Variants in MAGI2 observed in about 807,000 individuals in gnomAD.
The protein encoded by MAGI2 is membrane associated guanylate kinase, WW and PDZ domain containing 2, also known as membrane-associated guanylate kinase, WW and PDZ domain-containing protein 2.
A neutral mutation model predicts 133.3 loss-of-function variants in MAGI2; 35 were observed. That is an observed-to-expected ratio of 0.26 (90% CI 0.20 to 0.35). MAGI2 has a LOEUF of 0.35. Among genes scored for constraint, MAGI2 ranks in the 10% least tolerant of loss-of-function variants. MAGI2 has a pLI of 1.00. For synonymous variants in MAGI2, 729 were observed against 710.6 expected (o/e 1.03, Z -0.41); for missense variants, 1,636 against 1,863.4 (o/e 0.88, Z 2.25).
intron 2 of MAGI2, among the ~76,000 whole-genome samples, chr7:78,769,668 A>G (rs2151317136): frequency 6.6e-6 from 1 of 152,300 alleles, no homozygotes; most frequent in East Asian, 1.9e-4. Flanking sequence ...GCCATTTTTC[A>G]CTAGGTTCAC....
intron 6 of MAGI2, among the ~76,000 whole-genome samples, chr7:78,418,862 T>C (rs1355667688): frequency 3.3e-5 from 5 of 152,142 alleles, no homozygotes; most frequent in African/African-American, 1.2e-4. Context: ...GTAGTAGTAA[T>C]AGTGAATATA....
chr7:78,839,037 G>A (rs1441310913), intron 2 of MAGI2, among the ~76,000 whole-genome samples: 2 of 152,008 alleles, frequency 1.3e-5, no homozygotes, highest in Non-Finnish European at 2.9e-5. Context: ...GAAAGTAAGG[G>A]ATGAAAGGGA....
chr7:78,842,412 C>T (rs1792222603), intron 2 of MAGI2, among the ~76,000 whole-genome samples: 2 of 151,862 alleles, frequency 1.3e-5, no homozygotes. Flanking sequence ...AGAGTCTCAC[C>T]CTTGTATTTT....
chr7:78,159,346 C>G (rs552162821), intron 16 of MAGI2, among the ~76,000 whole-genome samples: 1 of 152,276 alleles, frequency 6.6e-6, no homozygotes, highest in African/African-American at 2.4e-5. Context: ...CTCCCCCACC[C>G]CCAACCCTTT....
intron 2 of MAGI2, among the ~76,000 whole-genome samples, chr7:78,633,087 T>TA (rs1203593525): frequency 6.6e-6 from 1 of 152,246 alleles, no homozygotes; most frequent in Non-Finnish European, 1.5e-5. Flanking sequence ...GCATGTATTC[T>TA]ATGGGAACAT....
At chr7:79,434,254 A>C (rs1461639192) in intron 1 of MAGI2, among the ~76,000 whole-genome samples, 3 of 152,190 alleles carry the variant, frequency 2.0e-5, no homozygotes, top group Non-Finnish European at 2.9e-5. Context: ...AAACTCTCTT[A>C]GATGAGATGT....
At chr7:78,228,218 G>A (rs575542815) in intron 10 of MAGI2, among the ~76,000 whole-genome samples, 8 of 152,310 alleles carry the variant, frequency 5.3e-5, no homozygotes, top group Admixed American at 2.0e-4. Context: ...AAAAGCAGAT[G>A]GTGGACTGAA....
chr7:78,485,139 A>G (rs1411305367), intron 6 of MAGI2: 1 of 152,010 alleles, frequency 6.6e-6, no homozygotes, highest in African/African-American at 2.4e-5. Context: ...CTCTGAGAGG[A>G]GAAATATGAT....
chr7:78,743,443 A>G (rs1046418620), intron 2 of MAGI2, among the ~76,000 whole-genome samples: 10 of 152,202 alleles, frequency 6.6e-5, no homozygotes, highest in African/African-American at 2.2e-4. Flanking sequence ...ACACCTTTTA[A>G]TATCTTCCCT....
intron 2 of MAGI2, among the ~76,000 whole-genome samples, chr7:78,976,896 TAC>T (rs1804309584): frequency 1.3e-5 from 2 of 151,532 alleles, no homozygotes; most frequent in South Asian, 4.1e-4. Context: ...ACAAAATATG[TAC>T]AGAGTCTGTA....
chr7:78,598,447 A>G (rs901598140), intron 3 of MAGI2, among the ~76,000 whole-genome samples: 1 of 152,126 alleles, frequency 6.6e-6, no homozygotes, highest in Non-Finnish European at 1.5e-5. Flanking sequence ...AAGATGGTAG[A>G]TTAAAATCCA....
chr7:78,639,968 G>T (rs1230820593), intron 2 of MAGI2, among the ~76,000 whole-genome samples: 1 of 152,200 alleles, frequency 6.6e-6, no homozygotes, highest in Non-Finnish European at 1.5e-5. Context: ...ATAAAAAAGC[G>T]GGGGTGCAGG....
chr7:78,735,060 A>G (rs938929761), intron 2 of MAGI2, among the ~76,000 whole-genome samples: 1 of 152,202 alleles, frequency 6.6e-6, no homozygotes, highest in African/African-American at 2.4e-5. Flanking sequence ...TGTAAAGACT[A>G]TCTAAATCTA....
At chr7:78,603,419 C>A (rs1473242433) in intron 3 of MAGI2, among the ~76,000 whole-genome samples, 1 of 152,138 alleles carries the variant, frequency 6.6e-6, no homozygotes, top group Non-Finnish European at 1.5e-5. Context: ...TAGGATGAGA[C>A]AACAAGACCT....
chr7:79,421,414 G>A (rs549591837), intron 1 of MAGI2, among the ~76,000 whole-genome samples: 1 of 151,870 alleles, frequency 6.6e-6, no homozygotes, highest in African/African-American at 2.4e-5. Flanking sequence ...TAAGACATTA[G>A]GGTGTGACAG....
intron 3 of MAGI2, among the ~76,000 whole-genome samples, chr7:78,576,403 G>T (rs1403494462): frequency 6.6e-6 from 1 of 152,146 alleles, no homozygotes; most frequent in African/African-American, 2.4e-5. Context: ...CAGAAGCAAG[G>T]TCTCTCTGAT....
intron 2 of MAGI2, among the ~76,000 whole-genome samples, chr7:78,767,954 T>A (rs955681889): frequency 4.6e-5 from 7 of 152,214 alleles, no homozygotes; most frequent in Admixed American, 1.3e-4. Context: ...GAAAATTTTG[T>A]TATTTCTGGA....
chr7:78,120,864 A>G (rs931805825), intron 20 of MAGI2, among the ~76,000 whole-genome samples: 19 of 149,372 alleles, frequency 1.3e-4, no homozygotes, highest in Non-Finnish European at 2.2e-4. Flanking sequence ...AGCCGGGCGT[A>G]GTGGCGGGCG....
chr7:79,382,034 G>C (rs565311062), intron 1 of MAGI2, among the ~76,000 whole-genome samples: 3 of 151,702 alleles, frequency 2.0e-5, no homozygotes, highest in Non-Finnish European at 4.4e-5. Context: ...GGGGAATAGG[G>C]AGAAGCAGTA....
Sources: gnomAD v4.1 joint callset for allele counts (sites outside exome capture counted in the v4.1 genomes callset) on GRCh38, gnomAD v4.1.1 for gene constraint, MANE v1.5 for transcripts, NCBI Gene and HGNC (gene_info 2026-07-23, HGNC 2026-07-21) for gene names.